PCLO: variants seen among roughly 807,000 people sequenced by gnomAD.
PCLO encodes piccolo presynaptic cytomatrix protein.
PCLO carries 82 observed loss-of-function variants against 427.5 expected under a neutral mutation model. The observed-to-expected ratio is 0.19, with a 90% CI of 0.16 to 0.23. PCLO has a LOEUF of 0.23. PCLO is among the 10% of genes least tolerant of loss of function. PCLO has a pLI of 1.00. For missense variants in PCLO, 6,239 were observed against 6,115.9 expected (o/e 1.02, Z -0.67); for synonymous variants, 2,357 against 2,155.4 (o/e 1.09, Z -2.59).
chr7:83,030,590 A>T (rs1788643185), intron 3 of PCLO, among the ~76,000 whole-genome samples: 1 of 152,240 alleles, frequency 6.6e-6, no homozygotes, highest in Admixed American at 6.5e-5. Flanking sequence ...TACAGTGATG[A>T]AAATGAGGAA....
At chr7:82,789,306 A>C (rs1209405096) in intron 22 of PCLO, among the ~76,000 whole-genome samples, 1 of 152,212 alleles carries the variant, frequency 6.6e-6, no homozygotes, top group Admixed American at 6.5e-5. Flanking sequence ...AGATTGATTC[A>C]ATTAGATTCT....
At chr7:82,990,990 G>C (rs1796363496) in intron 3 of PCLO, among the ~76,000 whole-genome samples, 1 of 152,054 alleles carries the variant, frequency 6.6e-6, no homozygotes, top group Admixed American at 6.6e-5. Context: ...TAGACCAGAA[G>C]TAATATTTAC....
chr7:82,859,574 T>C (rs1321275310), intron 10 of PCLO, among the ~76,000 whole-genome samples: 3 of 152,120 alleles, frequency 2.0e-5, no homozygotes, highest in Non-Finnish European at 4.4e-5. Context: ...AAAGCAGACA[T>C]AGCTTAGACC....
chr7:83,154,744 T>C lies in PCLO; in HGVS notation c.1893+4A>G. The C allele has an allele frequency of 6.2e-7, 1 of 1,608,686 alleles. No homozygotes were observed. Among genetic ancestry groups the C allele is most frequent in the Non-Finnish European group, 8.5e-7 (1 of 1,175,190 alleles). ...GTATGGACTCAGTGAATAAATGCAC[T>C]TACCTCCGTTAAATGAGGATTGGGA... On this transcript the variant is annotated splice_donor_region_variant and intron_variant, in intron 2 of 24. Transcript: ENST00000333891.
chr7:82,942,371 TAAG>T (rs1343822117), intron 6 of PCLO, among the ~76,000 whole-genome samples: 3 of 152,172 alleles, frequency 2.0e-5, no homozygotes, highest in Non-Finnish European at 4.4e-5. Context: ...CAACGAACAA[TAAG>T]AATACAATTT....
chr7:83,051,220 T>TA (rs1160847110), intron 3 of PCLO, among the ~76,000 whole-genome samples: 3 of 151,606 alleles, frequency 2.0e-5, no homozygotes, highest in African/African-American at 4.8e-5. Flanking sequence ...GCTAATGCAA[T>TA]AAAAAAAGAG....
intron 3 of PCLO, among the ~76,000 whole-genome samples, chr7:83,116,015 T>C (rs1405383516): frequency 6.6e-6 from 1 of 151,870 alleles, no homozygotes; most frequent in African/African-American, 2.4e-5. Flanking sequence ...TATATCATTT[T>C]CCCACATTAA....
intron 22 of PCLO, among the ~76,000 whole-genome samples, chr7:82,774,986 C>T (rs576367775): frequency 4.6e-5 from 7 of 152,058 alleles, no homozygotes; most frequent in Non-Finnish European, 1.0e-4. Flanking sequence ...ATAGTTGAAA[C>T]GAAGTAGATA....
intron 3 of PCLO, among the ~76,000 whole-genome samples, chr7:83,043,068 T>C (rs1253209218): frequency 6.6e-6 from 1 of 152,134 alleles, no homozygotes; most frequent in Non-Finnish European, 1.5e-5. Flanking sequence ...TTGTCAGATG[T>C]TTAGGAGTGT....
At chr7:83,142,954 T>A (rs1305158189) in intron 2 of PCLO, among the ~76,000 whole-genome samples, 3 of 151,496 alleles carry the variant, frequency 2.0e-5, no homozygotes, top group African/African-American at 7.3e-5. Flanking sequence ...CAAGACTCCA[T>A]CTCAAAAAAA....
intron 9 of PCLO, among the ~76,000 whole-genome samples, chr7:82,901,248 T>G (rs2116185438): frequency 6.6e-6 from 1 of 152,046 alleles, no homozygotes; most frequent in African/African-American, 2.4e-5. Context: ...TTTTTTACAT[T>G]TCTCAAAACA....
chr7:82,822,999 G>A (rs1251642995), intron 19 of PCLO, among the ~76,000 whole-genome samples: 1 of 152,122 alleles, frequency 6.6e-6, no homozygotes, highest in Admixed American at 6.5e-5. Context: ...TCCAGCAGAG[G>A]TCAGGTAGGA....
At chr7:83,081,471 T>C (rs1310371896) in intron 3 of PCLO, among the ~76,000 whole-genome samples, 2 of 151,834 alleles carry the variant, frequency 1.3e-5, no homozygotes, top group African/African-American at 4.8e-5. Flanking sequence ...AAATGGAAAA[T>C]ACCCAGACTA....
intron 3 of PCLO, among the ~76,000 whole-genome samples, chr7:83,060,512 T>C (rs1489827257): frequency 1.3e-5 from 2 of 152,306 alleles, no homozygotes; most frequent in East Asian, 3.9e-4. Context: ...TTCTCTCAGT[T>C]TGATGACCTC....
intron 3 of PCLO, among the ~76,000 whole-genome samples, chr7:82,969,520 C>T (rs1297146562): frequency 6.6e-6 from 1 of 152,064 alleles, no homozygotes; most frequent in African/African-American, 2.4e-5. Context: ...TACCCAGTCT[C>T]TTGGGTGCAT....
intron 2 of PCLO, among the ~76,000 whole-genome samples, chr7:83,154,395 C>A (rs991100661): frequency 1.3e-5 from 2 of 152,000 alleles, no homozygotes; most frequent in Non-Finnish European, 1.5e-5. Context: ...TTTATGAATA[C>A]CAAAATTTTG....
At position 82,982,227 on chromosome 7, in the gene PCLO, G is replaced by T. The variant is rs1481578773; in HGVS notation, c.3301-15740C>A. Among the ~76,000 whole-genome samples the T allele has an allele frequency of 3.3e-5, 5 of 152,034 alleles. No individual in the cohort carries two copies. In the East Asian group the frequency reaches 9.6e-4, roughly 29 times the overall value. On this transcript the variant is annotated intron_variant, in intron 3 of 24. Coordinates refer to ENST00000333891, the MANE Select transcript of PCLO (RefSeq NM_033026.6). ...AACCCCAAGGCCTAGCAGAGAAAAA[G>T]AAAATATGAATTGTCTCACTATATT...
intron 3 of PCLO, among the ~76,000 whole-genome samples, chr7:83,093,492 A>ATATATATTTTTTTTTTTTTTTTTTT: frequency 3.0e-4 from 18 of 59,292 alleles, no homozygotes; most frequent in East Asian, 1.1e-3. Context: ...ATATATATAT[A>ATATATATTTTTTTTTTTTTTTTTTT]TTTTTTTTTT....
chr7:82,889,551 G>A (rs1002621053), intron 9 of PCLO, among the ~76,000 whole-genome samples: 49 of 152,096 alleles, frequency 3.2e-4, no homozygotes, highest in Admixed American at 2.6e-3. Flanking sequence ...GAACTTTTCT[G>A]ATAAGCAATT....
Sources: allele counts gnomAD v4.1 joint callset (sites outside exome capture counted in the v4.1 genomes callset), GRCh38; gene constraint gnomAD v4.1.1; transcripts MANE v1.5; gene names NCBI Gene and HGNC (gene_info 2026-07-23, HGNC 2026-07-21).